INTS13: variants seen among roughly 807,000 people sequenced by gnomAD.
The protein encoded by INTS13 is asunder, spermatogenesis regulator homolog (Drosphila).
In INTS13, 35 loss-of-function variants were observed where a neutral mutation model predicts 90.2. The observed-to-expected ratio is 0.39, with a 90% CI of 0.30 to 0.51. The LOEUF is 0.51. INTS13 is among the 20% of genes least tolerant of loss of function. The pLI, the probability that INTS13 is intolerant of heterozygous loss-of-function variation, is 0.80. For synonymous variants in INTS13, 309 were observed against 277.1 expected (o/e 1.11, Z -1.14); for missense variants, 601 against 851.2 (o/e 0.71, Z 3.66).
chr12:26,905,345 T>C lies in INTS13; in HGVS notation c.*152A>G. ...ATTTTTGAATTATGTGCCAATTTTATAATTAGTACAAAAATGACAGCTGAA... is the reference window on the plus strand; with the variant it reads ...ATTTTTGAATTATGTGCCAATTTTACAATTAGTACAAAAATGACAGCTGAA... On this transcript the variant is annotated 3_prime_UTR_variant, in exon 17 of 17. Coordinates refer to ENST00000261191, the MANE Select transcript of INTS13 (RefSeq NM_018164.3). 1 of 642,846 alleles carries C rather than the reference T, an allele frequency of 1.6e-6. No individual in the cohort carries two copies. Among genetic ancestry groups the C allele is most frequent in the Non-Finnish European group, 2.6e-6 (1 of 387,512 alleles). The allele number at this position is 642,846 out of a possible 1,614,324, so 39.8% of individuals were successfully genotyped here. A position where few individuals can be genotyped will look rare whatever the true frequency, so the allele number is the denominator to read the frequency against.
chr12:26,930,744 G>A (rs1303355714), intron 3 of INTS13, among the ~76,000 whole-genome samples: 1 of 150,316 alleles, frequency 6.7e-6, no homozygotes, highest in Admixed American at 6.6e-5. Flanking sequence ...CACTGCAGAG[G>A]TGCAGTCAGT....
intron 6 of INTS13, 122 bp from the exon 7 acceptor site, chr12:26,924,605 A>C: frequency 9.3e-7 from 1 of 1,075,316 alleles, no homozygotes; most frequent in Admixed American, 3.0e-5. Flanking sequence ...AGTTGGAAAA[A>C]AAGGATCCAT....
intron 3 of INTS13, among the ~76,000 whole-genome samples, chr12:26,929,217 T>C (rs894702074): frequency 6.6e-6 from 1 of 152,076 alleles, no homozygotes; most frequent in Admixed American, 6.5e-5. Context: ...ATCCAAAACC[T>C]TTTCATAATT....
chr12:26,913,775 C>T (rs1014322317), intron 13 of INTS13, 88 bp from the exon 14 acceptor site: 5 of 1,224,808 alleles, frequency 4.1e-6, no homozygotes, highest in Non-Finnish European at 5.8e-6. Context: ...GAAATGTGGA[C>T]TTCCTTCCTC....
chr12:26,907,476 A>G (rs1055588943), intron 15 of INTS13, among the ~76,000 whole-genome samples: 1 of 152,260 alleles, frequency 6.6e-6, no homozygotes, highest in Admixed American at 6.5e-5. Flanking sequence ...CATGACCTAA[A>G]TGTAAATCTA....
At chr12:26,920,558 C>T (rs1158540717) in intron 8 of INTS13, among the ~76,000 whole-genome samples, 4 of 151,950 alleles carry the variant, frequency 2.6e-5, no homozygotes, top group African/African-American at 9.7e-5. Context: ...GCCACCATGC[C>T]CGGCTAATTT....
At chr12:26,918,194 C>T (rs1021462364) in intron 8 of INTS13, among the ~76,000 whole-genome samples, 2 of 151,758 alleles carry the variant, frequency 1.3e-5, no homozygotes, top group Admixed American at 6.6e-5. Flanking sequence ...ATGGAGTAAC[C>T]GGAACTCTGT....
intron 4 of INTS13, 83 bp from the exon 5 acceptor site, chr12:26,928,368 G>A: frequency 9.1e-7 from 1 of 1,093,212 alleles, no homozygotes; most frequent in Non-Finnish European, 1.4e-6. Context: ...CTTTAATATG[G>A]TGTTATAGAC....
intron 6 of INTS13, among the ~76,000 whole-genome samples, chr12:26,924,941 A>G (rs1257481676): frequency 1.3e-5 from 2 of 152,212 alleles, no homozygotes; most frequent in African/African-American, 2.4e-5. Context: ...TCTGTCACCA[A>G]TAAATAAGGC....
At chr12:26,925,151 T>TAA (rs1937797052) in intron 6 of INTS13, among the ~76,000 whole-genome samples, 1 of 152,102 alleles carries the variant, frequency 6.6e-6, no homozygotes, top group African/African-American at 2.4e-5. Flanking sequence ...TGACTAAAAA[T>TAA]ACCACTTAAC....
At position 26,916,010 on chromosome 12, in the gene INTS13, G is replaced by T; in HGVS notation, c.1240C>A (p.Arg414=). The T allele has an allele frequency of 6.2e-7, 1 of 1,610,130 alleles. No homozygotes were observed. The highest frequency in any genetic ancestry group is 2.2e-5 in the East Asian group (1 of 44,824). ...EGCGGRVTDY[R]ITDFGEFMRE... ...AGATATTAGAGTCTTACTGTAATCCGGTAGTCTGTAACTCTTCCTCCACAT... is the reference window on the plus strand; with the variant it reads ...AGATATTAGAGTCTTACTGTAATCCTGTAGTCTGTAACTCTTCCTCCACAT... The change falls in exon 11 of 17, where the codon CGG becomes AGG. Residue 414 remains arginine, a synonymous_variant. Transcript: ENST00000261191.
chr12:26,923,150 GT>G (rs1168782640), intron 7 of INTS13, among the ~76,000 whole-genome samples: 2 of 151,902 alleles, frequency 1.3e-5, no homozygotes, highest in Non-Finnish European at 2.9e-5. Context: ...TAATAAACAA[GT>G]TTAGTAACTT....
intron 15 of INTS13, among the ~76,000 whole-genome samples, chr12:26,909,548 A>G (rs1412891682): frequency 6.9e-6 from 1 of 144,422 alleles, no homozygotes; most frequent in Non-Finnish European, 1.5e-5. Flanking sequence ...ATCTTGGCTC[A>G]CTGCAATCTC....
At chr12:26,929,065 A>G (rs1938045334) in intron 3 of INTS13, 160 bp from the exon 4 acceptor site, 3 of 620,948 alleles carry the variant, frequency 4.8e-6, no homozygotes, top group African/African-American at 1.8e-5. Flanking sequence ...ACAAAGAATT[A>G]TACACCATGA....
chr12:26,936,845 T>C (rs982567312), intron 1 of INTS13, 31 bp from the exon 2 acceptor site: 1 of 1,398,600 alleles, frequency 7.2e-7, no homozygotes. Context: ...TAGCCAAATA[T>C]TTGTACATAA....
intron 11 of INTS13, among the ~76,000 whole-genome samples, chr12:26,915,043 ATG>A (rs2137443027): frequency 6.6e-6 from 1 of 152,290 alleles, no homozygotes; most frequent in Non-Finnish European, 1.5e-5. Flanking sequence ...CCTGGCCAAC[ATG>A]GTGAAACCCC....
chr12:26,924,580 TTTTA>T, intron 6 of INTS13, 97 bp from the exon 7 acceptor site: 1 of 1,318,518 alleles, frequency 7.6e-7, no homozygotes, highest in African/African-American at 1.5e-5. Context: ...AATTAAGTAT[TTTTA>T]ACTTTTTAGA....
chr12:26,934,318 TA>T (rs1439164881), intron 3 of INTS13, among the ~76,000 whole-genome samples: 4 of 152,060 alleles, frequency 2.6e-5, no homozygotes, highest in Non-Finnish European at 4.4e-5. Context: ...TAAACAGGAA[TA>T]AAAACATGTT....
intron 3 of INTS13, among the ~76,000 whole-genome samples, chr12:26,930,007 C>A (rs1457043395): frequency 2.0e-5 from 3 of 152,134 alleles, no homozygotes; most frequent in Non-Finnish European, 4.4e-5. Context: ...ACACAAAAAT[C>A]AATTGTATTT....
Sources: allele counts gnomAD v4.1 joint callset (sites outside exome capture counted in the v4.1 genomes callset), GRCh38; gene constraint gnomAD v4.1.1; transcripts MANE v1.5; gene names NCBI Gene and HGNC (gene_info 2026-07-23, HGNC 2026-07-21).